The following HSPA12A variants were observed in gnomAD, a reference collection of about 807,000 sequenced individuals.
HSPA12A encodes the protein heat shock 70 kDa protein 12A.
Under a neutral mutation model 69.2 loss-of-function variants are expected in HSPA12A, and 28 were observed. That is an observed-to-expected ratio of 0.40 (90% CI 0.30 to 0.55). The LOEUF is 0.55. Among genes scored for constraint, HSPA12A ranks in the 20% least tolerant of loss-of-function variants. The pLI, the probability that HSPA12A is intolerant of heterozygous loss-of-function variation, is 0.38. For missense variants in HSPA12A, 686 were observed against 900.7 expected (o/e 0.76, Z 3.05); for synonymous variants, 345 against 370.5 (o/e 0.93, Z 0.79).
chr10:116,809,003 CCGCTCCTTCCTCTTCCTA>C (rs1845123216), intron 2 of HSPA12A, among the ~76,000 whole-genome samples: 1 of 152,154 alleles, frequency 6.6e-6, no homozygotes, highest in Non-Finnish European at 1.5e-5. Flanking sequence ...TTCTCTTCCT[CCGCTCCTTCCTCTTCCTA>C]GAGGGCTGTC....
chr10:116,692,908 C>T (rs1360264930), intron 5 of HSPA12A, among the ~76,000 whole-genome samples: 1 of 152,174 alleles, frequency 6.6e-6, no homozygotes, highest in African/African-American at 2.4e-5. Flanking sequence ...CATACCTTGT[C>T]TCTATTCATC....
At position 116,742,414 on chromosome 10, in the gene HSPA12A, C is replaced by G. The variant is rs1398309592; in HGVS notation, c.40+16G>C. 28 of 1,434,776 alleles carry G rather than the reference C, an allele frequency of 2.0e-5. No individual in the cohort carries two copies. Among genetic ancestry groups the G allele is most frequent in the Non-Finnish European group, 2.5e-5 (27 of 1,096,000 alleles). The allele number at this position is 1,434,776 out of a possible 1,614,324, so 88.9% of individuals were successfully genotyped here. On this transcript the variant is annotated intron_variant, in intron 1 of 11. Transcript: ENST00000369209. ...CCCCGCCAGCCGCGGCCGCAGGACC[C>G]GCAGCCTGCGCTCACCTCGGGGCCC... is the stretch of plus-strand genomic sequence containing the variant.
intron 7 of HSPA12A, among the ~76,000 whole-genome samples, chr10:116,682,464 G>GC (rs1185812897): frequency 4.0e-5 from 6 of 151,124 alleles, no homozygotes; most frequent in East Asian, 2.0e-4. Context: ...CTGGGGGGGG[G>GC]GGCCATTTCC....
intron 1 of HSPA12A, among the ~76,000 whole-genome samples, chr10:116,713,712 T>C (rs782135294): frequency 3.9e-5 from 6 of 152,148 alleles, no homozygotes; most frequent in Non-Finnish European, 5.9e-5. Context: ...GGGCCTCCAA[T>C]TGTGTCTATA....
chr10:116,749,086 C>T (rs1037896461), intron 2 of HSPA12A, among the ~76,000 whole-genome samples: 24 of 152,186 alleles, frequency 1.6e-4, no homozygotes, highest in African/African-American at 5.8e-4. Context: ...CCCCACCCAA[C>T]CTATGGTTCC....
At chr10:116,702,641 C>T (rs1554881770) in intron 3 of HSPA12A, among the ~76,000 whole-genome samples, 1 of 152,156 alleles carries the variant, frequency 6.6e-6, no homozygotes, top group Admixed American at 6.5e-5. Flanking sequence ...CACACACTGC[C>T]CTTCACAAAT....
intron 2 of HSPA12A, among the ~76,000 whole-genome samples, chr10:116,802,033 C>T (rs1053615695): frequency 1.3e-5 from 2 of 152,158 alleles, no homozygotes; most frequent in African/African-American, 4.8e-5. Context: ...GCCTGCTAGC[C>T]ACCCTGGGGA....
chr10:116,787,616 CCT>C (rs1295953062), intron 2 of HSPA12A, among the ~76,000 whole-genome samples: 2 of 151,536 alleles, frequency 1.3e-5, no homozygotes, highest in Non-Finnish European at 2.9e-5. Flanking sequence ...TTTTCCAAAA[CCT>C]CTTAACAATT....
intron 1 of HSPA12A, chr10:116,707,909 C>T (rs1589648511): frequency 6.5e-6 from 1 of 154,978 alleles, no homozygotes; most frequent in Admixed American, 6.3e-5. Flanking sequence ...ATCATAAAAA[C>T]CACAGCAAAA....
At chr10:116,823,869 C>T (rs967883940) in intron 2 of HSPA12A, among the ~76,000 whole-genome samples, 9 of 152,032 alleles carry the variant, frequency 5.9e-5, no homozygotes, top group Non-Finnish European at 8.8e-5. Flanking sequence ...AGATATGCCA[C>T]CAAAACCACA....
intron 2 of HSPA12A, among the ~76,000 whole-genome samples, chr10:116,752,197 A>G (rs1441535563): frequency 2.0e-5 from 3 of 152,222 alleles, no homozygotes; most frequent in African/African-American, 7.2e-5. Flanking sequence ...GGGCAGAGCC[A>G]GGAGTCACCC....
chr10:116,722,580 C>T (rs1042416554), intron 1 of HSPA12A, among the ~76,000 whole-genome samples: 2 of 152,038 alleles, frequency 1.3e-5, no homozygotes, highest in African/African-American at 2.4e-5. Context: ...CAACCAGGGC[C>T]GATGTGAAAC....
At chr10:116,770,094 T>C (rs1313137487) in intron 2 of HSPA12A, among the ~76,000 whole-genome samples, 4 of 152,194 alleles carry the variant, frequency 2.6e-5, no homozygotes, top group Non-Finnish European at 5.9e-5. Context: ...CATGCCGTCA[T>C]AGTTCCATTG....
chr10:116,816,551 A>G (rs559326839), intron 2 of HSPA12A, among the ~76,000 whole-genome samples: 1 of 152,320 alleles, frequency 6.6e-6, no homozygotes, highest in South Asian at 2.1e-4. Flanking sequence ...TGGCTCACGC[A>G]CCTGACTTCC....
At chr10:116,682,464 G>T (rs967366791) in intron 7 of HSPA12A, among the ~76,000 whole-genome samples, 4 of 151,002 alleles carry the variant, frequency 2.6e-5, no homozygotes, top group Non-Finnish European at 5.9e-5. Context: ...CTGGGGGGGG[G>T]GGCCATTTCC....
chr10:116,816,607 C>T (rs548173042), intron 2 of HSPA12A, among the ~76,000 whole-genome samples: 25 of 152,340 alleles, frequency 1.6e-4, no homozygotes, highest in East Asian at 1.5e-3. Context: ...GCTTAACCGG[C>T]GCCGTCCTGC....
rs782341553 is a variant in HSPA12A at position 116,675,416 on chromosome 10, C to T, written c.1393G>A (p.Asp465Asn). ...TIDSIIEHLRDLFQKPEVSTV... is the reference protein window; with the variant it reads ...TIDSIIEHLRNLFQKPEVSTV... The stretch of plus-strand genomic sequence containing the variant: ...GACACCTCGGGCTTCTGAAACAGGT[C>T]CCCTGGAAGGGAAGAGGCAGGGAGA... The change falls in exon 12 of 12, where the codon GAC becomes AAC. Residue 465 changes from aspartate to asparagine, a missense_variant and splice_region_variant. Asp to Asn is a conservative substitution (Grantham distance 23). Coordinates refer to ENST00000369209, the MANE Select transcript of HSPA12A (RefSeq NM_025015.3). The surrounding 1 kb of genome is among the most constrained non-coding windows in gnomAD (Gnocchi z 5.2). The T allele has an allele frequency of 3.2e-6, 5 of 1,584,658 alleles. No homozygotes were observed. The African/African-American group carries it at 4.0e-5, about 13-fold the overall frequency.
At chr10:116,737,758 C>T (rs1172734910) in intron 1 of HSPA12A, among the ~76,000 whole-genome samples, 8 of 152,198 alleles carry the variant, frequency 5.3e-5, no homozygotes, top group African/African-American at 1.2e-4. Context: ...TGCCAGGTCA[C>T]GGTCAAGGCT....
chr10:116,849,875 T>A, upstream of HSPA12A: 1 of 974,120 alleles, frequency 1.0e-6, no homozygotes, highest in Non-Finnish European at 1.6e-6. Flanking sequence ...CGGAGGAGAC[T>A]TCTGGAGGGA....
Sources: allele counts gnomAD v4.1 joint callset (sites outside exome capture counted in the v4.1 genomes callset), GRCh38; gene constraint gnomAD v4.1.1; non-coding constraint Gnocchi (gnomAD v3.1); transcripts MANE v1.5; gene names NCBI Gene and HGNC (gene_info 2026-07-23, HGNC 2026-07-21).